The following CAMK2A variants were observed in gnomAD, a reference collection of about 807,000 sequenced individuals.
CAMK2A encodes calcium/calmodulin-dependent protein kinase type II subunit alpha.
In CAMK2A, 7 loss-of-function variants were observed where a neutral mutation model predicts 79.2. The ratio of observed to expected loss-of-function variants is 0.09; its 90% CI spans 0.05 to 0.17. The LOEUF (loss-of-function observed/expected upper bound fraction) is 0.17, where lower values mean the gene tolerates loss of function less well. Among genes scored for constraint, CAMK2A ranks in the 10% least tolerant of loss-of-function variants. The probability of loss-of-function intolerance (pLI) is 1.00; values close to 1 mark genes in which losing one functional copy is unlikely to be tolerated. For missense variants in CAMK2A, 214 were observed against 646.4 expected, an observed-to-expected ratio of 0.33 and a Z score of 7.25; for synonymous variants, 242 against 251.7, an observed-to-expected ratio of 0.96 and a Z score of 0.36.
At chr5:150,267,946 T>C (rs1756583714) in intron 2 of CAMK2A, among the ~76,000 whole-genome samples, 1 of 150,876 alleles carries the variant, frequency 6.6e-6, no homozygotes, top group African/African-American at 2.4e-5. Flanking sequence ...CGATCTTGGC[T>C]CACTGCAACC....
intron 6 of CAMK2A, 67 bp from the exon 7 acceptor site, chr5:150,253,613 GC>G: frequency 7.4e-7 from 1 of 1,344,432 alleles, no homozygotes; most frequent in Admixed American, 1.7e-5. Context: ...CAGATTCAGA[GC>G]CTCACCTCTA....
chr5:150,279,725 T>C (rs905040960), intron 1 of CAMK2A, among the ~76,000 whole-genome samples: 1 of 151,774 alleles, frequency 6.6e-6, no homozygotes, highest in African/African-American at 2.4e-5. Flanking sequence ...CGAGCAGGAG[T>C]GTGGGCAGGC....
chr5:150,228,082 G>C, intron 17 of CAMK2A, 110 bp downstream of exon 17: 1 of 852,308 alleles, frequency 1.2e-6, no homozygotes, highest in Non-Finnish European at 1.8e-6. Context: ...CTTCCTCTTC[G>C]CTGGCTCCTG....
rs150940788 is a variant in CAMK2A at position 150,240,699 on chromosome 5, AG to A, written c.985-964del. ...ACAGATGAGAAACTGAGGCCCAGAG[AG>A]GTGCAGTGGCCTGCACAAGGCCTCG... On this transcript the variant is annotated intron_variant, in intron 13 of 18. Transcript: ENST00000671881. Among the ~76,000 whole-genome samples, 572 of 152,338 alleles carry A rather than the reference AG, an allele frequency of 3.8e-3. 3 individuals carry two copies. Among genetic ancestry groups the A allele is most frequent in the African/African-American group, 0.013 (542 of 41,580 alleles).
At chr5:150,267,198 G>A (rs1756548451) in intron 2 of CAMK2A, among the ~76,000 whole-genome samples, 2 of 152,148 alleles carry the variant, frequency 1.3e-5, no homozygotes, top group South Asian at 2.1e-4. Context: ...AGGAAGGGAT[G>A]CCCATCCAGA....
chr5:150,273,179 G>A lies in CAMK2A; in HGVS notation c.63-20C>T, dbSNP rs920775652. On this transcript the variant is annotated intron_variant, in intron 1 of 18. Transcript: ENST00000671881. Reference sequence around the variant, plus strand: ...GCTCCCCTAGGAGGACAGAGAAGGTGGAGAGGGTGAGGGAATGCCTGAGGG... The same window carrying A: ...GCTCCCCTAGGAGGACAGAGAAGGTAGAGAGGGTGAGGGAATGCCTGAGGG... 4 of 1,593,704 alleles carry A rather than the reference G, an allele frequency of 2.5e-6. No homozygotes were observed. The highest frequency in any genetic ancestry group is 2.7e-5 in the African/African-American group (2 of 74,376).
chr5:150,267,462 G>A (rs1213662571), intron 2 of CAMK2A, among the ~76,000 whole-genome samples: 1 of 152,328 alleles, frequency 6.6e-6, no homozygotes, highest in South Asian at 2.1e-4. Flanking sequence ...AGAAGAAAAC[G>A]CTGGCCATGC....
chr5:150,220,358 G>T lies in CAMK2A; in HGVS notation c.*2352C>A, dbSNP rs1754246495. ...GACGAGGGGAATCAGGGGCAGGTGG[G>T]GGAGGGGATGGAGCCTGACCAGGTC... On this transcript the variant is annotated 3_prime_UTR_variant, in exon 19 of 19. Transcript: ENST00000671881. The T allele has an allele frequency of 6.6e-6, 1 of 152,392 alleles. No individual in the cohort carries two copies. Among genetic ancestry groups the T allele is most frequent in the African/African-American group, 2.4e-5 (1 of 41,458 alleles). 9.4% of individuals were successfully genotyped at this position (152,392 alleles called of 1,614,324 possible).
chr5:150,268,381 C>T (rs559658767), intron 2 of CAMK2A, among the ~76,000 whole-genome samples: 1 of 152,300 alleles, frequency 6.6e-6, no homozygotes, highest in African/African-American at 2.4e-5. Context: ...GCTGTGCCTT[C>T]TGCCTGGAAA....
chr5:150,254,074 T>C (rs529495080), intron 6 of CAMK2A, among the ~76,000 whole-genome samples: 79 of 152,118 alleles, frequency 5.2e-4, no homozygotes, highest in Non-Finnish European at 1.0e-3. Context: ...TAATTTTTTC[T>C]CCCCCAAGCT....
chr5:150,245,213 A>G lies in CAMK2A; in HGVS notation c.944-12T>C. 1 of 1,613,074 alleles carries G rather than the reference A, an allele frequency of 6.2e-7. No individual in the cohort carries two copies. The highest frequency in any genetic ancestry group is 2.2e-5 in the East Asian group (1 of 44,774). ...CCCACTCTTCCCTCCTGTGGAGGAG[A>G]AAAAGTAGAGGGTTAACAACGCCAG... On this transcript the variant is annotated splice_polypyrimidine_tract_variant and intron_variant, in intron 12 of 18. Transcript: ENST00000671881.
chr5:150,255,389 G>C (rs1478545716), intron 6 of CAMK2A, among the ~76,000 whole-genome samples: 1 of 152,232 alleles, frequency 6.6e-6, no homozygotes, highest in African/African-American at 2.4e-5. Flanking sequence ...CCCCAAAGAG[G>C]GACCCAGACC....
At chr5:150,273,711 T>TGGA (rs1756843760) in intron 1 of CAMK2A, among the ~76,000 whole-genome samples, 2 of 152,218 alleles carry the variant, frequency 1.3e-5, no homozygotes, top group Non-Finnish European at 2.9e-5. Context: ...TTTCAGTGAA[T>TGGA]AATATATTTT....
At chr5:150,239,665 C>T (rs771717855) in intron 14 of CAMK2A, 39 bp downstream of exon 14, 2 of 1,607,618 alleles carry the variant, frequency 1.2e-6, no homozygotes, top group South Asian at 1.1e-5. Flanking sequence ...GGGTTCGAGG[C>T]CCAGCATTTA....
chr5:150,224,651 G>A (rs1007310956), intron 17 of CAMK2A, among the ~76,000 whole-genome samples: 13 of 152,054 alleles, frequency 8.5e-5, no homozygotes, highest in Admixed American at 3.9e-4. Flanking sequence ...GGGTTTCAGC[G>A]TCATAGACTT....
intron 15 of CAMK2A, among the ~76,000 whole-genome samples, chr5:150,237,428 C>A (rs991357602): frequency 3.3e-5 from 5 of 151,996 alleles, no homozygotes; most frequent in Non-Finnish European, 5.9e-5. Flanking sequence ...AGTGTGTGAA[C>A]CACTGAGCTC....
At chr5:150,250,927 T>C in intron 9 of CAMK2A, 117 bp from the exon 10 acceptor site, 1 of 1,194,164 alleles carries the variant, frequency 8.4e-7, no homozygotes, top group Non-Finnish European at 1.2e-6. Flanking sequence ...CACTCGGACA[T>C]CCACACCAGG....
intron 1 of CAMK2A, among the ~76,000 whole-genome samples, chr5:150,287,557 G>T (rs906614239): frequency 6.6e-6 from 1 of 152,132 alleles, no homozygotes; most frequent in Non-Finnish European, 1.5e-5. Context: ...CAGTCTTAAT[G>T]ATATCCATCT....
At chr5:150,282,026 C>G (rs950258764) in intron 1 of CAMK2A, among the ~76,000 whole-genome samples, 1 of 152,150 alleles carries the variant, frequency 6.6e-6, no homozygotes, top group Admixed American at 6.5e-5. Context: ...CTTGACTCTC[C>G]CCACTTCTTC....
Sources: gnomAD v4.1 joint callset for allele counts (sites outside exome capture counted in the v4.1 genomes callset) on GRCh38, gnomAD v4.1.1 for gene constraint, MANE v1.5 for transcripts, NCBI Gene and HGNC (gene_info 2026-07-23, HGNC 2026-07-21) for gene names.